Variants in SPATS2L observed in about 807,000 individuals in gnomAD.
SPATS2L encodes the protein SPATS2-like protein.
Under a neutral mutation model 59.6 loss-of-function variants are expected in SPATS2L, and 30 were observed. The ratio of observed to expected loss-of-function variants is 0.50; its 90% CI spans 0.38 to 0.68. SPATS2L has a LOEUF of 0.68. Ranked by LOEUF, SPATS2L falls within the 30% of genes least tolerant of loss-of-function variation. SPATS2L has a pLI of 0.00. For synonymous variants in SPATS2L, 252 were observed against 263.5 expected, an observed-to-expected ratio of 0.96 and a Z score of 0.42; for missense variants, 615 against 700.0, an observed-to-expected ratio of 0.88 and a Z score of 1.37.
chr2:200,448,639 C>T (rs112962187), intron 8 of SPATS2L, among the ~76,000 whole-genome samples: 4,288 of 152,238 alleles, frequency 0.028, 86 homozygotes, highest in South Asian at 0.049. Context: ...TCTATACAAA[C>T]CAGACTTTCT....
rs1344911760 is a variant in SPATS2L, at chr2:200,439,188, CAG to C, written c.517_518del (p.Arg173ValfsTer9). 1 of 1,613,592 alleles carries C rather than the reference CAG, an allele frequency of 6.2e-7. No homozygotes were observed. The highest frequency in any genetic ancestry group is 8.5e-7 in the Non-Finnish European group (1 of 1,179,730). ...AACCCCAAACCTATACATGGAACAACAGAGAGGTCAGATGGCCTACAGTGGTC... is the reference window on the plus strand; with the variant it reads ...AACCCCAAACCTATACATGGAACAACAGAGGTCAGATGGCCTACAGTGGTC... On this transcript the variant is annotated frameshift_variant, in exon 7 of 13. Coordinates refer to ENST00000409140, the MANE Select transcript of SPATS2L (RefSeq NM_001100423.2). LOFTEE classifies it high-confidence loss of function.
intron 2 of SPATS2L, among the ~76,000 whole-genome samples, chr2:200,371,479 G>A (rs890913559): frequency 6.6e-6 from 1 of 152,132 alleles, no homozygotes; most frequent in Non-Finnish European, 1.5e-5. Context: ...CTTTTAGGAT[G>A]CATGGATCCC....
intron 6 of SPATS2L, among the ~76,000 whole-genome samples, chr2:200,436,659 C>T (rs1405949471): frequency 2.6e-5 from 4 of 152,290 alleles, no homozygotes; most frequent in Middle Eastern, 3.4e-3. Context: ...AATTCTTTTG[C>T]ATTTCATTAC....
intron 3 of SPATS2L, among the ~76,000 whole-genome samples, chr2:200,411,755 A>C (rs2082885618): frequency 6.6e-6 from 1 of 152,212 alleles, no homozygotes; most frequent in South Asian, 2.1e-4. Context: ...GTGTTCACAA[A>C]CATTTTTTGG....
chr2:200,381,398 G>C (rs750716987), intron 2 of SPATS2L, among the ~76,000 whole-genome samples: 6 of 152,158 alleles, frequency 3.9e-5, no homozygotes, highest in Non-Finnish European at 8.8e-5. Flanking sequence ...CCAACCTGGA[G>C]ATCTGAGGCC....
At chr2:200,406,426 AAG>A (rs1491370318) in intron 3 of SPATS2L, among the ~76,000 whole-genome samples, 1 of 151,954 alleles carries the variant, frequency 6.6e-6, no homozygotes, top group African/African-American at 2.4e-5. Context: ...AAAAAAAAAA[AAG>A]AGGTTATTAT....
chr2:200,430,330 TG>T (rs1290820842), intron 6 of SPATS2L, among the ~76,000 whole-genome samples: 2 of 152,208 alleles, frequency 1.3e-5, no homozygotes, highest in Non-Finnish European at 2.9e-5. Context: ...ATTAAATTTT[TG>T]TAAGTTGCTA....
At position 200,479,831 on chromosome 2, in the gene SPATS2L, A is replaced by G. The variant is rs954741715; in HGVS notation, c.*1800A>G. 7.5e-6 allele frequency: 3 copies of G among 398,150 alleles called. No homozygotes were observed. The highest frequency in any genetic ancestry group is 1.3e-5 in the Non-Finnish European group (3 of 226,068). 24.7% of individuals were successfully genotyped at this position (398,150 alleles called of 1,614,324 possible). A position where few individuals can be genotyped will look rare whatever the true frequency, so the allele number is the denominator to read the frequency against. On this transcript the variant is annotated 3_prime_UTR_variant, in exon 13 of 13. Coordinates refer to ENST00000409140, the MANE Select transcript of SPATS2L (RefSeq NM_001100423.2). Reference sequence around the variant, plus strand: ...TGTTTCTTCTTTTGCCAAGTACAGGAGGATGTTTGCTCTCTCTGTAGAGAG... The same window carrying G: ...TGTTTCTTCTTTTGCCAAGTACAGGGGGATGTTTGCTCTCTCTGTAGAGAG...
chr2:200,329,507 T>G, intron 2 of SPATS2L, 27 bp downstream of exon 2: 2 of 1,541,646 alleles, frequency 1.3e-6, no homozygotes, highest in Admixed American at 3.9e-5. Flanking sequence ...CTTCCCTCTC[T>G]GTGACCTCCT....
chr2:200,450,972 A>C (rs187829164), intron 8 of SPATS2L, among the ~76,000 whole-genome samples: 1 of 152,184 alleles, frequency 6.6e-6, no homozygotes, highest in Non-Finnish European at 1.5e-5. Flanking sequence ...AAGAAGCAAC[A>C]CAAAGAACCA....
intron 10 of SPATS2L, among the ~76,000 whole-genome samples, chr2:200,468,863 T>A (rs1233142656): frequency 6.6e-6 from 1 of 152,218 alleles, no homozygotes; most frequent in Non-Finnish European, 1.5e-5. Context: ...AAGTAAGAAA[T>A]ATAAAATTGC....
intron 6 of SPATS2L, among the ~76,000 whole-genome samples, chr2:200,438,684 A>G (rs1203420185): frequency 6.6e-6 from 1 of 152,162 alleles, no homozygotes; most frequent in Non-Finnish European, 1.5e-5. Flanking sequence ...ATGAAATATC[A>G]CAAGACATTA....
chr2:200,324,145 A>G (rs571207641), intron 1 of SPATS2L, among the ~76,000 whole-genome samples: 6 of 152,294 alleles, frequency 3.9e-5, no homozygotes, highest in African/African-American at 1.4e-4. Flanking sequence ...CCTCCCATAC[A>G]GTCACTGTGG....
chr2:200,450,852 T>C (rs1357678553), intron 8 of SPATS2L, among the ~76,000 whole-genome samples: 1 of 152,164 alleles, frequency 6.6e-6, no homozygotes, highest in African/African-American at 2.4e-5. Context: ...AAATCAACTC[T>C]ACCTGGCTCA....
At chr2:200,475,017 A>G (rs2087403682) in intron 12 of SPATS2L, among the ~76,000 whole-genome samples, 1 of 152,176 alleles carries the variant, frequency 6.6e-6, no homozygotes, top group South Asian at 2.1e-4. Context: ...AAGCCTGCTC[A>G]CAGGATCTGC....
At chr2:200,361,606 A>T (rs1202173697) in intron 2 of SPATS2L, among the ~76,000 whole-genome samples, 1 of 152,208 alleles carries the variant, frequency 6.6e-6, no homozygotes, top group African/African-American at 2.4e-5. Context: ...TAGAAGGCTC[A>T]GTTCATTGCC....
At chr2:200,446,264 A>G (rs1396968276) in intron 8 of SPATS2L, among the ~76,000 whole-genome samples, 1 of 152,132 alleles carries the variant, frequency 6.6e-6, no homozygotes, top group Non-Finnish European at 1.5e-5. Flanking sequence ...AAGCCCAGGA[A>G]TTCAAGACTG....
chr2:200,396,011 G>GACAAAAAAAAAAAA lies in SPATS2L; in HGVS notation c.39+6729_39+6730insCAAAAAAAAAAAAA, dbSNP rs2082318749. On this transcript the variant is annotated intron_variant, in intron 3 of 12. Transcript: ENST00000409140. ...GGGCAAAAGAGTGAGACTCGATCTG[G>GACAAAAAAAAAAAA]AAAAAAAAAAAAAAAAAAAAAAATA... is the stretch of plus-strand genomic sequence containing the variant. 3.8e-4 allele frequency among the ~76,000 whole-genome samples: 4 copies of GACAAAAAAAAAAAA among 10,592 alleles called. 1 individual carries two copies. The highest frequency in any genetic ancestry group is 2.6e-4 in the Non-Finnish European group (2 of 7,716). The allele number at this position is 10,592 out of a possible 152,430, so 6.9% of individuals were successfully genotyped here. A position where few individuals can be genotyped will look rare whatever the true frequency, so the allele number is the denominator to read the frequency against.
At chr2:200,469,122 A>G (rs565645674) in intron 10 of SPATS2L, among the ~76,000 whole-genome samples, 22 of 152,370 alleles carry the variant, frequency 1.4e-4, no homozygotes, top group Admixed American at 1.4e-3. Flanking sequence ...AAATGAGATT[A>G]TCTGCTAAGA....
Sources: allele counts gnomAD v4.1 joint callset (sites outside exome capture counted in the v4.1 genomes callset), GRCh38; gene constraint gnomAD v4.1.1; transcripts MANE v1.5; gene names NCBI Gene and HGNC (gene_info 2026-07-23, HGNC 2026-07-21).